The following TMED10 variants were observed in gnomAD, a reference collection of about 807,000 sequenced individuals.
TMED10 encodes transmembrane p24 trafficking protein 10.
TMED10 carries 7 observed loss-of-function variants against 23.1 expected under a neutral mutation model. That is an observed-to-expected ratio of 0.30 (90% confidence interval 0.17 to 0.57). TMED10 has a LOEUF of 0.57. Among genes scored for constraint, TMED10 ranks in the 20% least tolerant of loss-of-function variants. The probability of loss-of-function intolerance (pLI) is 0.91; values close to 1 mark genes in which losing one functional copy is unlikely to be tolerated. For synonymous variants in TMED10, 113 were observed against 106.9 expected (o/e 1.06, Z -0.35); for missense variants, 162 against 274.8 (o/e 0.59, Z 2.90).
At chr14:75,142,166 G>A (rs1347728398) in intron 3 of TMED10, among the ~76,000 whole-genome samples, 9 of 152,166 alleles carry the variant, frequency 5.9e-5, no homozygotes, top group African/African-American at 1.9e-4. Context: ...TGCCAAGTCT[G>A]TAAGACAATG....
rs1254676567 is a variant in TMED10, at chr14:75,132,393, C to A, written c.*2492G>T. The A allele has an allele frequency of 8.3e-6, 1 of 119,816 alleles. No individual in the cohort carries two copies. Among genetic ancestry groups the A allele is most frequent in the South Asian group, 3.6e-4 (1 of 2,774 alleles). 7.4% of individuals were successfully genotyped at this position (119,816 alleles called of 1,614,324 possible). On this transcript the variant is annotated 3_prime_UTR_variant, in exon 5 of 5. Transcript: ENST00000303575. The stretch of plus-strand genomic sequence containing the variant: ...TTGCAGCAAGACTCCGTCCCCCCCC[C>A]CCCAAAAAAAAAAAAGTTTAAGGAT...
chr14:75,144,559 G>C (rs1895860177), intron 3 of TMED10, among the ~76,000 whole-genome samples: 1 of 152,152 alleles, frequency 6.6e-6, no homozygotes, highest in South Asian at 2.1e-4. Context: ...AGGTAGTGTG[G>C]TACAATTACT....
Position 75,133,785 on chromosome 14 carries a change from G to T in TMED10, c.*1100C>A. The T allele has an allele frequency of 4.6e-6, 1 of 217,688 alleles. No individual in the cohort carries two copies. Among genetic ancestry groups the T allele is most frequent in the Non-Finnish European group, 9.2e-6 (1 of 108,646 alleles). 13.5% of individuals were successfully genotyped at this position (217,688 alleles called of 1,614,324 possible). On this transcript the variant is annotated 3_prime_UTR_variant, in exon 5 of 5. Coordinates refer to ENST00000303575, the MANE Select transcript of TMED10 (RefSeq NM_006827.6). Reference sequence around the variant, plus strand: ...GTGGGTGAATGGTTAAGCAAACTGTGGTACATCCATACCATGGAATACTAC... The same window carrying T: ...GTGGGTGAATGGTTAAGCAAACTGTTGTACATCCATACCATGGAATACTAC...
chr14:75,143,859 G>A (rs1229189126), intron 3 of TMED10, among the ~76,000 whole-genome samples: 2 of 151,800 alleles, frequency 1.3e-5, no homozygotes, highest in South Asian at 2.1e-4. Flanking sequence ...GTTTGAACCC[G>A]GGAGGCAGAG....
chr14:75,134,966 T>G lies in TMED10; in HGVS notation c.579A>C (p.Ser193=). Reference sequence around the variant, plus strand: ...TAGCTAGTCCAATGAGACAGAACATTGAAAAGATGCTGAAGTATAGGACCC... The same window carrying G: ...TAGCTAGTCCAATGAGACAGAACATGGAAAAGATGCTGAAGTATAGGACCC... ...NTRVLYFSIF[S]MFCLIGLATW... The change falls in exon 5 of 5, where the codon TCA becomes TCC. Residue 193 remains serine, a synonymous_variant. Coordinates refer to ENST00000303575, the MANE Select transcript of TMED10 (RefSeq NM_006827.6). 6.2e-7 allele frequency: 1 copy of G among 1,614,000 alleles called. No individual in the cohort carries two copies. The highest frequency in any genetic ancestry group is 1.1e-5 in the South Asian group (1 of 91,082).
At chr14:75,157,906 C>T (rs1157760541) in intron 1 of TMED10, among the ~76,000 whole-genome samples, 1 of 151,758 alleles carries the variant, frequency 6.6e-6, no homozygotes, top group African/African-American at 2.4e-5. Flanking sequence ...CACCACTGCA[C>T]TCCACCCTGA....
chr14:75,133,929 A>G lies in TMED10; in HGVS notation c.*956T>C, dbSNP rs1003519449. ...TTTAAAAGAAAAAAAGGAAGAAACT[A>G]TTCATACATGCAACAACTTGGATGG... On this transcript the variant is annotated 3_prime_UTR_variant, in exon 5 of 5. Transcript: ENST00000303575. The G allele has an allele frequency of 2.7e-5, 8 of 296,738 alleles. No individual in the cohort carries two copies. The highest frequency in any genetic ancestry group is 5.2e-5 in the Admixed American group (1 of 19,080). 18.4% of individuals were successfully genotyped at this position (296,738 alleles called of 1,614,324 possible). A position where few individuals can be genotyped will look rare whatever the true frequency, so the allele number is the denominator to read the frequency against.
chr14:75,145,973 C>T (rs1279413250), intron 3 of TMED10, among the ~76,000 whole-genome samples: 1 of 152,022 alleles, frequency 6.6e-6, no homozygotes, highest in Admixed American at 6.6e-5. Context: ...AACATTCTCC[C>T]TAGTGTTTTA....
intron 1 of TMED10, among the ~76,000 whole-genome samples, chr14:75,154,401 C>CAAAAAAA (rs1166201835): frequency 0.012 from 176 of 15,252 alleles, 75 homozygotes; most frequent in East Asian, 0.022. Flanking sequence ...GACTCTGTCT[C>CAAAAAAA]AAAAAAAAAA....
intron 1 of TMED10, among the ~76,000 whole-genome samples, chr14:75,160,777 G>A (rs560036420): frequency 6.6e-6 from 1 of 152,350 alleles, no homozygotes; most frequent in South Asian, 2.1e-4. Context: ...TGGGCACGGT[G>A]GCTCATGCCT....
chr14:75,154,853 C>G (rs1005974552), intron 1 of TMED10, among the ~76,000 whole-genome samples: 10 of 151,082 alleles, frequency 6.6e-5, no homozygotes, highest in Admixed American at 4.0e-4. Flanking sequence ...TTGGTAGAGA[C>G]GGGGTTTCAC....
intron 3 of TMED10, among the ~76,000 whole-genome samples, chr14:75,142,008 A>T (rs1346274430): frequency 6.6e-6 from 1 of 152,218 alleles, no homozygotes; most frequent in Non-Finnish European, 1.5e-5. Context: ...TCAATATCAA[A>T]ATTCCCACTT....
intron 1 of TMED10, among the ~76,000 whole-genome samples, chr14:75,173,545 C>CTT (rs374686958): frequency 1.3e-5 from 2 of 149,210 alleles, no homozygotes; most frequent in Non-Finnish European, 3.0e-5. Flanking sequence ...ATCATCACTG[C>CTT]TTTTTTTTTT....
chr14:75,134,835 G>T lies in TMED10; in HGVS notation c.*50C>A. ...TGCCTTAGGCCAGGCACGTCCCAGC[G>T]ATGTTCTGCTGGCTGAGGTACAAGG... is the stretch of plus-strand genomic sequence containing the variant. On this transcript the variant is annotated 3_prime_UTR_variant, in exon 5 of 5. Transcript: ENST00000303575. The T allele has an allele frequency of 1.2e-6, 2 of 1,610,066 alleles. No individual in the cohort carries two copies. The highest frequency in any genetic ancestry group is 1.7e-5 in the Admixed American group (1 of 59,924).
chr14:75,149,666 G>C (rs916677811), intron 2 of TMED10, among the ~76,000 whole-genome samples: 1 of 152,248 alleles, frequency 6.6e-6, no homozygotes, highest in African/African-American at 2.4e-5. Flanking sequence ...GGGAAGAGGA[G>C]AGAAGATTGT....
chr14:75,157,852 A>G (rs1308464490), intron 1 of TMED10, among the ~76,000 whole-genome samples: 1 of 151,992 alleles, frequency 6.6e-6, no homozygotes, highest in Admixed American at 6.6e-5. Flanking sequence ...AGGCAGGAGA[A>G]TTGCTTGAAC....
intron 1 of TMED10, among the ~76,000 whole-genome samples, chr14:75,173,702 G>A (rs1010553661): frequency 2.6e-5 from 4 of 152,132 alleles, no homozygotes; most frequent in Admixed American, 1.3e-4. Context: ...TAGGGTGTGT[G>A]CACAAAGTCC....
At chr14:75,166,194 T>TGAA (rs1566675684) in intron 1 of TMED10, among the ~76,000 whole-genome samples, 5 of 152,182 alleles carry the variant, frequency 3.3e-5, no homozygotes, top group African/African-American at 1.2e-4. Context: ...TCTTAACAAC[T>TGAA]ATTCCCTTGA....
At chr14:75,137,138 G>A (rs2139830673) in intron 3 of TMED10, among the ~76,000 whole-genome samples, 2 of 151,280 alleles carry the variant, frequency 1.3e-5, no homozygotes, top group South Asian at 4.2e-4. Context: ...AGCCTCCTAA[G>A]TAGCTGGGAC....
Sources: allele counts gnomAD v4.1 joint callset (sites outside exome capture counted in the v4.1 genomes callset), GRCh38; gene constraint gnomAD v4.1.1; transcripts MANE v1.5; gene names NCBI Gene and HGNC (gene_info 2026-07-23, HGNC 2026-07-21).